STUM: variants seen among roughly 807,000 people sequenced by gnomAD.
STUM encodes the protein protein stum homolog.
Under a neutral mutation model 15.3 loss-of-function variants are expected in STUM, and 8 were observed. The ratio of observed to expected loss-of-function variants is 0.52; its 90% CI spans 0.31 to 0.94. The LOEUF (loss-of-function observed/expected upper bound fraction) is 0.94. Among genes scored for constraint, STUM ranks in the 40% least tolerant of loss-of-function variants. The pLI is 0.05. For missense variants in STUM, 142 were observed against 204.9 expected (o/e 0.69, Z 1.87); for synonymous variants, 78 against 88.7 (o/e 0.88, Z 0.68).
At chr1:226,571,532 A>G (rs1667711294) in intron 1 of STUM, among the ~76,000 whole-genome samples, 1 of 152,218 alleles carries the variant, frequency 6.6e-6, no homozygotes, top group South Asian at 2.1e-4. Flanking sequence ...GTTCAAGGTT[A>G]GTGAAAATTA....
chr1:226,571,057 C>A (rs2102694893), intron 1 of STUM, among the ~76,000 whole-genome samples: 1 of 152,060 alleles, frequency 6.6e-6, no homozygotes, highest in East Asian at 1.9e-4. Flanking sequence ...ATGGTGAAAC[C>A]CTGTCTCTAC....
At position 226,603,147 on chromosome 1, in the gene STUM, C is replaced by G. The variant is rs1668299909; in HGVS notation, c.*1107C>G. On this transcript the variant is annotated 3_prime_UTR_variant, in exon 4 of 4. Transcript: ENST00000366788. ...TTTTAGGGTTTCAGAATTGCAAGAACAATTGTATGGGGTTGTGGACCTTGA... is the reference window on the plus strand; with the variant it reads ...TTTTAGGGTTTCAGAATTGCAAGAAGAATTGTATGGGGTTGTGGACCTTGA... 6.6e-6 allele frequency: 1 copy of G among 152,160 alleles called. No individual in the cohort carries two copies. Among genetic ancestry groups the G allele is most frequent in the African/African-American group, 2.4e-5 (1 of 41,428 alleles). The allele number at this position is 152,160 out of a possible 1,614,324, so 9.4% of individuals were successfully genotyped here.
intron 1 of STUM, among the ~76,000 whole-genome samples, chr1:226,563,071 G>A (rs1667567877): frequency 6.6e-6 from 1 of 152,204 alleles, no homozygotes; most frequent in African/African-American, 2.4e-5. Flanking sequence ...AATGTTAAAA[G>A]TTGGGAATCT....
In STUM at chr1:226,560,343, T is replaced by G. The variant is rs555998220; in HGVS notation, c.202+11237T>G. Among the ~76,000 whole-genome samples the G allele has an allele frequency of 7.9e-5, 12 of 152,284 alleles. No homozygotes were observed. In the South Asian group the frequency reaches 2.5e-3, roughly 32 times the overall value. On this transcript the variant is annotated intron_variant, in intron 1 of 3. Transcript: ENST00000366788. ...GGGAAGGGTGATCGTTTGGGAACCT[T>G]TTTGCCGTTGCTGTCTCCAAGTTCT... is the stretch of plus-strand genomic sequence containing the variant.
At chr1:226,597,296 C>T (rs1668198470) in intron 2 of STUM, 3 of 547,510 alleles carry the variant, frequency 5.5e-6, no homozygotes, top group African/African-American at 1.9e-5. Flanking sequence ...TTACCAAAGA[C>T]AACTCAGTTA....
At chr1:226,575,547 TG>T (rs1440753102) in intron 1 of STUM, among the ~76,000 whole-genome samples, 1 of 151,538 alleles carries the variant, frequency 6.6e-6, no homozygotes, top group African/African-American at 2.4e-5. Context: ...GGGAACAGAG[TG>T]GGGGGTGGCT....
intron 1 of STUM, among the ~76,000 whole-genome samples, chr1:226,582,775 T>A (rs1667940182): frequency 3.3e-5 from 5 of 152,174 alleles, no homozygotes; most frequent in Non-Finnish European, 7.4e-5. Context: ...GCTTTCCCTC[T>A]TGTTCTCTGA....
chr1:226,554,585 A>T (rs1382478323), intron 1 of STUM, among the ~76,000 whole-genome samples: 3 of 152,338 alleles, frequency 2.0e-5, no homozygotes, highest in African/African-American at 7.2e-5. Flanking sequence ...TGTGTGTATT[A>T]CAGCAGAAAG....
chr1:226,570,854 A>T (rs1667696973), intron 1 of STUM, among the ~76,000 whole-genome samples: 1 of 152,174 alleles, frequency 6.6e-6, no homozygotes, highest in African/African-American at 2.4e-5. Flanking sequence ...TGGTTTTTTT[A>T]AAAATGCATT....
At chr1:226,577,787 C>T (rs1667843447) in intron 1 of STUM, among the ~76,000 whole-genome samples, 1 of 151,526 alleles carries the variant, frequency 6.6e-6, no homozygotes, top group African/African-American at 2.4e-5. Context: ...GTCTTCTCCC[C>T]AGACAAATGG....
At chr1:226,579,217 CTA>C (rs1490362539) in intron 1 of STUM, among the ~76,000 whole-genome samples, 1 of 152,182 alleles carries the variant, frequency 6.6e-6, no homozygotes, top group Non-Finnish European at 1.5e-5. Flanking sequence ...TAGAAGGAAA[CTA>C]TCTTATCTTG....
At chr1:226,591,607 G>C (rs879643630) in intron 1 of STUM, among the ~76,000 whole-genome samples, 1 of 152,100 alleles carries the variant, frequency 6.6e-6, no homozygotes. Flanking sequence ...CAGCCCACTG[G>C]CCTCTAATCA....
intron 1 of STUM, among the ~76,000 whole-genome samples, chr1:226,561,210 G>A (rs1044896384): frequency 1.3e-5 from 2 of 152,184 alleles, no homozygotes; most frequent in South Asian, 2.1e-4. Flanking sequence ...CTCCTTGAGG[G>A]TAGGGGCTGT....
intron 1 of STUM, among the ~76,000 whole-genome samples, chr1:226,550,829 C>T (rs1423358247): frequency 6.6e-6 from 1 of 152,208 alleles, no homozygotes; most frequent in Non-Finnish European, 1.5e-5. Context: ...GCATTGACAG[C>T]ATCGGCTGCA....
chr1:226,570,703 A>C (rs1667692814), intron 1 of STUM, among the ~76,000 whole-genome samples: 3 of 152,150 alleles, frequency 2.0e-5, no homozygotes, highest in Non-Finnish European at 4.4e-5. Context: ...ACAAATGATC[A>C]TTTATCCTTC....
intron 1 of STUM, among the ~76,000 whole-genome samples, chr1:226,564,613 T>G (rs1052877051): frequency 6.6e-6 from 1 of 152,262 alleles, no homozygotes; most frequent in Non-Finnish European, 1.5e-5. Context: ...TTGAGTTTTC[T>G]AACTTAGCAT....
intron 1 of STUM, among the ~76,000 whole-genome samples, chr1:226,571,294 T>A (rs147276964): frequency 2.6e-4 from 40 of 152,294 alleles, no homozygotes; most frequent in African/African-American, 8.9e-4. Context: ...ATAGAAACAC[T>A]GTGCTTCTGT....
At chr1:226,599,849 C>T (rs149141823) in intron 2 of STUM, among the ~76,000 whole-genome samples, 24 of 152,354 alleles carry the variant, frequency 1.6e-4, no homozygotes, top group African/African-American at 5.8e-4. Flanking sequence ...GGTGACCAGT[C>T]TCACATGTTC....
At chr1:226,586,342 G>A (rs1023421503) in intron 1 of STUM, among the ~76,000 whole-genome samples, 5 of 152,132 alleles carry the variant, frequency 3.3e-5, no homozygotes, top group East Asian at 1.9e-4. Flanking sequence ...CCGAACGCTT[G>A]GGGCAGTCTT....
Sources: allele counts gnomAD v4.1 joint callset (sites outside exome capture counted in the v4.1 genomes callset), GRCh38; gene constraint gnomAD v4.1.1; transcripts MANE v1.5; gene names NCBI Gene and HGNC (gene_info 2026-07-23, HGNC 2026-07-21).